Variants in GRID2 observed in about 807,000 individuals in gnomAD.
GRID2 encodes glutamate ionotropic receptor delta type subunit 2, also known as glutamate receptor ionotropic, delta-2.
In GRID2, 33 loss-of-function variants were observed where a neutral mutation model predicts 114.8. The ratio of observed to expected loss-of-function variants is 0.29; its 90% confidence interval spans 0.22 to 0.38. GRID2 has a LOEUF of 0.38. GRID2 is among the 10% of genes least tolerant of loss of function. The probability of loss-of-function intolerance (pLI) is 1.00; values close to 1 mark genes in which losing one functional copy is unlikely to be tolerated. For missense variants in GRID2, 1,184 were observed against 1,257.7 expected, an observed-to-expected ratio of 0.94 and a Z score of 0.89; for synonymous variants, 505 against 449.9, an observed-to-expected ratio of 1.12 and a Z score of -1.55.
At chr4:92,590,082 G>A (rs748129086) in intron 1 of GRID2, 49 bp from the exon 2 acceptor site, 5 of 1,267,442 alleles carry the variant, frequency 3.9e-6, no homozygotes, top group Non-Finnish European at 4.6e-6. Context: ...CAGAGGGGAT[G>A]ACAGAATATT....
At chr4:92,816,026 A>C (rs923175660) in intron 2 of GRID2, among the ~76,000 whole-genome samples, 3 of 151,056 alleles carry the variant, frequency 2.0e-5, no homozygotes, top group Admixed American at 6.6e-5. Flanking sequence ...TTAAAAGTAC[A>C]TTTTACTGGC....
At chr4:92,874,522 A>G (rs1745492838) in intron 2 of GRID2, among the ~76,000 whole-genome samples, 1 of 152,218 alleles carries the variant, frequency 6.6e-6, no homozygotes, top group Non-Finnish European at 1.5e-5. Flanking sequence ...TATGACTTTT[A>G]CAACACTATT....
At chr4:92,423,218 GTAA>G (rs1731991499) in intron 1 of GRID2, among the ~76,000 whole-genome samples, 1 of 152,134 alleles carries the variant, frequency 6.6e-6, no homozygotes, top group Admixed American at 6.5e-5. Flanking sequence ...GAGCTATATA[GTAA>G]GACTAGCTAA....
chr4:92,544,802 T>C (rs1214756718), intron 1 of GRID2, among the ~76,000 whole-genome samples: 1 of 152,154 alleles, frequency 6.6e-6, no homozygotes, highest in Non-Finnish European at 1.5e-5. Context: ...TTTGTGAAAA[T>C]ACACACGTAG....
intron 14 of GRID2, among the ~76,000 whole-genome samples, chr4:93,695,934 A>C (rs912827194): frequency 6.6e-6 from 1 of 152,250 alleles, no homozygotes; most frequent in Non-Finnish European, 1.5e-5. Flanking sequence ...GGATATATGC[A>C]TATCTGTTTT....
intron 4 of GRID2, among the ~76,000 whole-genome samples, chr4:93,162,402 A>G (rs1737773548): frequency 1.3e-5 from 2 of 151,974 alleles, no homozygotes; most frequent in South Asian, 4.1e-4. Flanking sequence ...TCAGCTTACC[A>G]CATAGTAGTT....
chr4:92,543,689 G>A lies in GRID2; in HGVS notation c.89-46442G>A, dbSNP rs531899399. Among the ~76,000 whole-genome samples the A allele has an allele frequency of 9.2e-5, 14 of 152,204 alleles. No individual in the cohort carries two copies. The South Asian group carries it at 2.9e-3, about 32-fold the overall frequency. On this transcript the variant is annotated intron_variant, in intron 1 of 15. Coordinates refer to ENST00000282020, the MANE Select transcript of GRID2 (RefSeq NM_001510.4). ...GAATGAATGAATGGGTGGTGAATTA[G>A]CACAAAAAAGTAATTCTTTCCCTAA...
At chr4:92,921,287 G>C (rs1030017424) in intron 2 of GRID2, among the ~76,000 whole-genome samples, 1 of 151,820 alleles carries the variant, frequency 6.6e-6, no homozygotes, top group African/African-American at 2.4e-5. Context: ...CTTTACCGTG[G>C]GTTCGAACTT....
At chr4:92,672,695 T>G (rs1262846413) in intron 2 of GRID2, among the ~76,000 whole-genome samples, 3 of 152,174 alleles carry the variant, frequency 2.0e-5, no homozygotes, top group Non-Finnish European at 4.4e-5. Context: ...TTTCTTCATT[T>G]ATTTATTCAT....
At chr4:93,448,231 T>C (rs932610958) in intron 10 of GRID2, among the ~76,000 whole-genome samples, 1 of 151,914 alleles carries the variant, frequency 6.6e-6, no homozygotes, top group Non-Finnish European at 1.5e-5. Flanking sequence ...TTTAAAATTT[T>C]CAAAACGTTA....
chr4:92,739,325 GTT>G (rs1313355872), intron 2 of GRID2, among the ~76,000 whole-genome samples: 2 of 151,972 alleles, frequency 1.3e-5, no homozygotes, highest in Non-Finnish European at 2.9e-5. Flanking sequence ...CTTTTAAAAA[GTT>G]TTCCATGTTT....
chr4:93,096,278 T>G (rs1458870140), intron 3 of GRID2, among the ~76,000 whole-genome samples: 1 of 151,966 alleles, frequency 6.6e-6, no homozygotes, highest in Non-Finnish European at 1.5e-5. Flanking sequence ...GAGGAAAACA[T>G]AAGACATTAT....
At position 93,767,629 on chromosome 4, in the gene GRID2, G is replaced by A. The variant is rs149285301; in HGVS notation, c.2361-1581G>A. ...GACCTGAGACCAACCCTCTACCAGA[G>A]CCTTAAGGGCTGGTCTCACTCTAGT... On this transcript the variant is annotated intron_variant, in intron 14 of 15. Coordinates refer to ENST00000282020, the MANE Select transcript of GRID2 (RefSeq NM_001510.4). 1.8e-3 allele frequency among the ~76,000 whole-genome samples: 272 copies of A among 152,234 alleles called. 2 individuals carry two copies. Among genetic ancestry groups the A allele is most frequent in the African/African-American group, 6.3e-3 (261 of 41,538 alleles).
intron 2 of GRID2, among the ~76,000 whole-genome samples, chr4:92,668,856 T>C (rs1732913805): frequency 6.6e-6 from 1 of 151,874 alleles, no homozygotes. Flanking sequence ...AATTAACATA[T>C]TTACTAGATT....
chr4:92,739,807 C>T (rs10516916), intron 2 of GRID2, among the ~76,000 whole-genome samples: 8,420 of 152,000 alleles, frequency 0.055, 302 homozygotes, highest in Middle Eastern at 0.16. Context: ...TGTAACATTT[C>T]GACATAATTA....
chr4:92,956,553 T>G (rs767014014), intron 2 of GRID2, among the ~76,000 whole-genome samples: 10 of 152,210 alleles, frequency 6.6e-5, no homozygotes, highest in Non-Finnish European at 1.5e-4. Flanking sequence ...TGTGCCATAA[T>G]TTATCAATTC....
chr4:92,979,453 A>G (rs1754060953), intron 2 of GRID2, among the ~76,000 whole-genome samples: 1 of 152,054 alleles, frequency 6.6e-6, no homozygotes, highest in Non-Finnish European at 1.5e-5. Flanking sequence ...AGGCATGTAA[A>G]ATCTCAGGTC....
chr4:92,431,638 G>GA (rs1560625054), intron 1 of GRID2, among the ~76,000 whole-genome samples: 1 of 149,218 alleles, frequency 6.7e-6, no homozygotes, highest in African/African-American at 2.5e-5. Context: ...AGACTTTCCA[G>GA]AAAAAAAGAC....
chr4:92,981,580 G>T (rs1754217776), intron 2 of GRID2, among the ~76,000 whole-genome samples: 1 of 151,872 alleles, frequency 6.6e-6, no homozygotes, highest in Non-Finnish European at 1.5e-5. Context: ...TATCTTTATG[G>T]ATTAAAAGTT....
Sources: gnomAD v4.1 joint callset for allele counts (sites outside exome capture counted in the v4.1 genomes callset) on GRCh38, gnomAD v4.1.1 for gene constraint, MANE v1.5 for transcripts, NCBI Gene and HGNC (gene_info 2026-07-23, HGNC 2026-07-21) for gene names.